The following PPME1 variants were observed in gnomAD, a reference collection of about 807,000 sequenced individuals.
PPME1 encodes testicular secretory protein Li 39.
Under a neutral mutation model 56.9 loss-of-function variants are expected in PPME1, and 17 were observed. The observed-to-expected ratio is 0.30, with a 90% CI of 0.20 to 0.45. The LOEUF (loss-of-function observed/expected upper bound fraction) is 0.45. Ranked by LOEUF, PPME1 falls within the 20% of genes least tolerant of loss-of-function variation. PPME1 has a pLI of 1.00. For synonymous variants in PPME1, 122 were observed against 156.2 expected (o/e 0.78, Z 1.63); for missense variants, 357 against 483.2 (o/e 0.74, Z 2.45).
intron 3 of PPME1, among the ~76,000 whole-genome samples, chr11:74,211,138 A>T (rs936619406): frequency 1.3e-5 from 2 of 152,228 alleles, no homozygotes; most frequent in Non-Finnish European, 2.9e-5. Context: ...TTATTTTTTA[A>T]ATGTAAGACA....
intron 11 of PPME1, chr11:74,249,370 C>G (rs1052256712): frequency 2.0e-5 from 3 of 152,190 alleles, no homozygotes; most frequent in African/African-American, 7.2e-5. Flanking sequence ...CTAATCTGTG[C>G]AATGGGAGAG....
chr11:74,240,115 C>G (rs1859318791), intron 9 of PPME1, among the ~76,000 whole-genome samples: 1 of 152,136 alleles, frequency 6.6e-6, no homozygotes, highest in Non-Finnish European at 1.5e-5. Context: ...GGGAAGCTTT[C>G]TGACCTCAAT....
intron 3 of PPME1, among the ~76,000 whole-genome samples, chr11:74,213,585 C>T (rs563967690): frequency 6.6e-6 from 1 of 152,328 alleles, no homozygotes; most frequent in Non-Finnish European, 1.5e-5. Context: ...CTGGTGGCCA[C>T]AGGGGTACTT....
chr11:74,228,241 A>G (rs1858979586), intron 5 of PPME1, among the ~76,000 whole-genome samples: 1 of 151,494 alleles, frequency 6.6e-6, no homozygotes, highest in Non-Finnish European at 1.5e-5. Flanking sequence ...TTATTTTAAT[A>G]TGCAGAATTA....
chr11:74,171,597 G>C (rs1857230851), intron 1 of PPME1, 75 bp downstream of exon 1: 1 of 1,490,322 alleles, frequency 6.7e-7, no homozygotes, highest in East Asian at 2.4e-5. Flanking sequence ...GGCGTTCATA[G>C]AGGCACGGGA....
At chr11:74,217,010 T>A (rs1417950804) in intron 3 of PPME1, among the ~76,000 whole-genome samples, 8 of 152,156 alleles carry the variant, frequency 5.3e-5, no homozygotes, top group Admixed American at 1.3e-4. Context: ...TGGGACCTGA[T>A]GGCTTCACTG....
intron 3 of PPME1, among the ~76,000 whole-genome samples, chr11:74,209,501 C>T (rs1207296449): frequency 6.6e-6 from 1 of 152,182 alleles, no homozygotes; most frequent in Non-Finnish European, 1.5e-5. Flanking sequence ...GCATGTTTTG[C>T]TTGACACACA....
chr11:74,185,650 C>CTT (rs765518776), intron 1 of PPME1, among the ~76,000 whole-genome samples: 5 of 123,694 alleles, frequency 4.0e-5, no homozygotes, highest in African/African-American at 1.1e-4. Flanking sequence ...GTCATTATAT[C>CTT]TTTTTTTTTT....
At chr11:74,172,717 A>G (rs993630453) in intron 1 of PPME1, among the ~76,000 whole-genome samples, 1 of 152,212 alleles carries the variant, frequency 6.6e-6, no homozygotes, top group African/African-American at 2.4e-5. Flanking sequence ...TTGTAGTTTC[A>G]AACAGGATTC....
intron 1 of PPME1, among the ~76,000 whole-genome samples, chr11:74,198,170 T>C (rs1335687109): frequency 1.3e-5 from 2 of 152,256 alleles, no homozygotes; most frequent in African/African-American, 4.8e-5. Flanking sequence ...ACTTTAAAAT[T>C]GACTTTGATT....
chr11:74,177,461 A>G (rs889467916), intron 1 of PPME1, among the ~76,000 whole-genome samples: 1 of 152,162 alleles, frequency 6.6e-6, no homozygotes, highest in African/African-American at 2.4e-5. Flanking sequence ...AAAAAAAAAA[A>G]AAAGTCTTCT....
intron 12 of PPME1, chr11:74,251,219 A>G (rs1477748811): frequency 5.0e-6 from 7 of 1,409,556 alleles, no homozygotes; most frequent in South Asian, 1.6e-5. Context: ...CTGAGGAGCT[A>G]CTGACACTCT....
chr11:74,184,834 G>A (rs1857630936), intron 1 of PPME1, among the ~76,000 whole-genome samples: 2 of 152,044 alleles, frequency 1.3e-5, no homozygotes, highest in African/African-American at 4.8e-5. Flanking sequence ...CTAGTGCCTA[G>A]GAAGTATATC....
At chr11:74,194,991 G>A (rs1057451143) in intron 1 of PPME1, among the ~76,000 whole-genome samples, 1 of 152,182 alleles carries the variant, frequency 6.6e-6, no homozygotes, top group African/African-American at 2.4e-5. Context: ...ATGAATGGAG[G>A]ATGCCAGAAA....
At chr11:74,191,719 C>T (rs1280055258) in intron 1 of PPME1, among the ~76,000 whole-genome samples, 1 of 152,230 alleles carries the variant, frequency 6.6e-6, no homozygotes. Context: ...GGCCGCTGCT[C>T]TAGAGGGCAC....
chr11:74,209,536 T>G (rs143325157), intron 3 of PPME1, among the ~76,000 whole-genome samples: 56 of 152,312 alleles, frequency 3.7e-4, no homozygotes, highest in African/African-American at 1.2e-3. Context: ...TTCTGGTGAG[T>G]TAAGTATCTT....
intron 9 of PPME1, among the ~76,000 whole-genome samples, chr11:74,242,008 C>T: frequency 6.6e-6 from 1 of 151,924 alleles, no homozygotes; most frequent in African/African-American, 2.4e-5. Flanking sequence ...TTCTTTTTGT[C>T]CCTTGTACTT....
In PPME1 at chr11:74,253,896, A is replaced by T. The variant is rs539937907; in HGVS notation, c.*386A>T. On this transcript the variant is annotated 3_prime_UTR_variant, in exon 14 of 14. Transcript: ENST00000328257. ...GGCTCAGGGACCTCCATTCCTTGAG[A>T]TTGTCTTGGCATGGCCCAGCCCTGC... 3 of 329,512 alleles carry T rather than the reference A, an allele frequency of 9.1e-6. No individual in the cohort carries two copies. The highest frequency in any genetic ancestry group is 4.2e-5 in the African/African-American group (2 of 47,484). 20.4% of individuals were successfully genotyped at this position (329,512 alleles called of 1,614,324 possible). A position where few individuals can be genotyped will look rare whatever the true frequency, so the allele number is the denominator to read the frequency against.
chr11:74,180,130 T>G (rs1045790262), intron 1 of PPME1, among the ~76,000 whole-genome samples: 1 of 152,206 alleles, frequency 6.6e-6, no homozygotes, highest in African/African-American at 2.4e-5. Context: ...CCTCCTTCCC[T>G]TTCTCCCCTT....
Sources: allele counts gnomAD v4.1 joint callset (sites outside exome capture counted in the v4.1 genomes callset), GRCh38; gene constraint gnomAD v4.1.1; transcripts MANE v1.5; gene names NCBI Gene and HGNC (gene_info 2026-07-23, HGNC 2026-07-21).